The following TDRD5 variants were observed in gnomAD, a reference collection of about 807,000 sequenced individuals.
The protein encoded by TDRD5 is tudor domain-containing protein 5.
A neutral mutation model predicts 120.6 loss-of-function variants in TDRD5; 41 were observed. The ratio of observed to expected loss-of-function variants is 0.34; its 90% CI spans 0.26 to 0.44. The LOEUF (loss-of-function observed/expected upper bound fraction) is 0.44, where lower values mean the gene tolerates loss of function less well. TDRD5 is among the 20% of genes least tolerant of loss of function. The pLI is 1.00. For missense variants in TDRD5, 1,006 were observed against 1,221.2 expected, an observed-to-expected ratio of 0.82 and a Z score of 2.63; for synonymous variants, 430 against 433.7, an observed-to-expected ratio of 0.99 and a Z score of 0.11.
At chr1:179,603,990 G>A (rs909195884) in intron 4 of TDRD5, among the ~76,000 whole-genome samples, 1 of 152,114 alleles carries the variant, frequency 6.6e-6, no homozygotes, top group African/African-American at 2.4e-5. Flanking sequence ...GAATTCTGCT[G>A]TGAATCTGTC....
intron 11 of TDRD5, 123 bp from the exon 12 acceptor site, chr1:179,650,744 T>C (rs1285216133): frequency 1.1e-6 from 1 of 925,550 alleles, no homozygotes; most frequent in African/African-American, 1.7e-5. Flanking sequence ...TGTGTTATTC[T>C]AGTACTTTTA....
chr1:179,670,131 C>T (rs1679780619), intron 17 of TDRD5, among the ~76,000 whole-genome samples: 1 of 152,170 alleles, frequency 6.6e-6, no homozygotes, highest in Non-Finnish European at 1.5e-5. Flanking sequence ...ATGGCTCACG[C>T]CTGTAATCCC....
intron 9 of TDRD5, among the ~76,000 whole-genome samples, chr1:179,638,688 C>T (rs1226661268): frequency 1.6e-5 from 2 of 127,122 alleles, no homozygotes; most frequent in East Asian, 4.7e-4. Flanking sequence ...CCACTACCAC[C>T]ACCCAGTCAT....
chr1:179,687,204 A>C (rs1680772966), intron 17 of TDRD5, among the ~76,000 whole-genome samples: 1 of 152,272 alleles, frequency 6.6e-6, no homozygotes, highest in South Asian at 2.1e-4. Context: ...CCCTCTACAC[A>C]CTGCTTTAAA....
At chr1:179,629,106 GTGAT>G (rs994757969) in intron 6 of TDRD5, among the ~76,000 whole-genome samples, 3 of 152,112 alleles carry the variant, frequency 2.0e-5, no homozygotes, top group African/African-American at 7.2e-5. Flanking sequence ...TCAAGTCAAA[GTGAT>G]TGAGAAATCC....
In TDRD5 at chr1:179,661,284, C is replaced by G. The variant is rs1377516552; in HGVS notation, c.2323-820C>G. The stretch of plus-strand genomic sequence containing the variant: ...ATTATTTTTCTGCATTATATTCTTT[C>G]TGTTCTCCTTGTGAGACTCTGATGA... On this transcript the variant is annotated intron_variant, in intron 14 of 17. Transcript: ENST00000444136. Among the ~76,000 whole-genome samples the G allele has an allele frequency of 3.3e-5, 5 of 151,796 alleles. No homozygotes were observed. The East Asian group carries it at 7.7e-4, about 23-fold the overall frequency.
chr1:179,594,817 A>T (rs992312310), intron 3 of TDRD5, among the ~76,000 whole-genome samples: 1 of 152,238 alleles, frequency 6.6e-6, no homozygotes, highest in African/African-American at 2.4e-5. Flanking sequence ...GGAGGCCACT[A>T]AGTGTTTCAA....
intron 17 of TDRD5, among the ~76,000 whole-genome samples, chr1:179,687,470 A>G (rs12136272): frequency 0.28 from 42,819 of 151,992 alleles, 6,250 homozygotes; most frequent in East Asian, 0.41. Flanking sequence ...CAACTGTGTG[A>G]TCAATTTTGG....
At chr1:179,649,322 A>G (rs942092744) in intron 11 of TDRD5, among the ~76,000 whole-genome samples, 10 of 151,570 alleles carry the variant, frequency 6.6e-5, no homozygotes, top group African/African-American at 2.2e-4. Flanking sequence ...TTATATTTGT[A>G]TTCTTCTTAT....
At chr1:179,626,692 T>C (rs1677149030) in intron 6 of TDRD5, among the ~76,000 whole-genome samples, 1 of 152,214 alleles carries the variant, frequency 6.6e-6, no homozygotes, top group African/African-American at 2.4e-5. Context: ...ATAGCAACTC[T>C]ATAGTGGTAG....
At chr1:179,631,382 ACT>A (rs1347562869) in intron 7 of TDRD5, among the ~76,000 whole-genome samples, 1 of 152,054 alleles carries the variant, frequency 6.6e-6, no homozygotes, top group Non-Finnish European at 1.5e-5. Context: ...ACAGAGCGAG[ACT>A]CTGTCTCAAA....
At chr1:179,639,818 C>G (rs1353994522) in intron 9 of TDRD5, 21 bp from the exon 10 acceptor site, 1 of 1,609,066 alleles carries the variant, frequency 6.2e-7, no homozygotes, top group Admixed American at 1.7e-5. Flanking sequence ...ATGGATTTCT[C>G]TGTATTATGG....
At chr1:179,664,201 A>G (rs954844886) in intron 16 of TDRD5, among the ~76,000 whole-genome samples, 7 of 152,176 alleles carry the variant, frequency 4.6e-5, no homozygotes, top group African/African-American at 1.7e-4. Context: ...TGTATTTCAT[A>G]GAATGGTCTC....
Position 179,691,123 on chromosome 1 carries a change from T to C in TDRD5, c.*180T>C. 1.2e-5 allele frequency: 8 copies of C among 679,040 alleles called. No homozygotes were observed. The highest frequency in any genetic ancestry group is 1.8e-5 in the Non-Finnish European group (8 of 444,212). 42.1% of individuals were successfully genotyped at this position (679,040 alleles called of 1,614,324 possible). A position where few individuals can be genotyped will look rare whatever the true frequency, so the allele number is the denominator to read the frequency against. On this transcript the variant is annotated 3_prime_UTR_variant, in exon 18 of 18. Coordinates refer to ENST00000444136, the MANE Select transcript of TDRD5 (RefSeq NM_001199085.3). ...TCTACTTTGATGTGTAAGTAAGTAT[T>C]GATATTTACTGTTAATCTTGATTTT...
intron 17 of TDRD5, among the ~76,000 whole-genome samples, chr1:179,687,063 G>A (rs894416934): frequency 2.0e-5 from 3 of 152,090 alleles, no homozygotes; most frequent in Non-Finnish European, 2.9e-5. Flanking sequence ...TCTGATCTTA[G>A]TTACTTCCTG....
chr1:179,675,273 A>ATTTTTT (rs1172444253), intron 17 of TDRD5, among the ~76,000 whole-genome samples: 54 of 66,592 alleles, frequency 8.1e-4, no homozygotes, highest in African/African-American at 2.2e-3. Flanking sequence ...TATTATTATT[A>ATTTTTT]TTTTTTTTTT....
chr1:179,592,380 A>G (rs1675155348), intron 1 of TDRD5: 3 of 484,420 alleles, frequency 6.2e-6, no homozygotes, highest in East Asian at 3.8e-5. Flanking sequence ...CCGCATGGCC[A>G]GGGGCAGAGT....
intron 4 of TDRD5, among the ~76,000 whole-genome samples, chr1:179,603,512 T>C (rs1342157260): frequency 1.3e-5 from 2 of 152,218 alleles, no homozygotes; most frequent in Admixed American, 6.5e-5. Context: ...GGCTGTGGGT[T>C]TGTCATAGAT....
chr1:179,672,571 T>C (rs1301317872), intron 17 of TDRD5, among the ~76,000 whole-genome samples: 1 of 152,224 alleles, frequency 6.6e-6, no homozygotes, highest in African/African-American at 2.4e-5. Context: ...TGATTATTTC[T>C]TTTGCTGTAC....
Sources: gnomAD v4.1 joint callset for allele counts (sites outside exome capture counted in the v4.1 genomes callset) on GRCh38, gnomAD v4.1.1 for gene constraint, MANE v1.5 for transcripts, NCBI Gene and HGNC (gene_info 2026-07-23, HGNC 2026-07-21) for gene names.